The following TMEM272 variants were observed in gnomAD, a reference collection of about 807,000 sequenced individuals.
The protein encoded by TMEM272 is long intergenic non-protein coding RNA 282.
Under a neutral mutation model 3.7 loss-of-function variants are expected in TMEM272, and 8 were observed. The ratio of observed to expected loss-of-function variants is 2.17; its 90% CI spans 1.27 to 3.91. TMEM272 has a LOEUF of 3.91. Ranked by LOEUF, TMEM272 falls within the 30% of genes most tolerant of loss-of-function variation. TMEM272 has a pLI of 0.00. For synonymous variants in TMEM272, 63 were observed against 39.8 expected (o/e 1.58, Z -2.20); for missense variants, 166 against 91.5 (o/e 1.81, Z -3.32).
At chr13:51,917,592 C>A in the TMEM272 span, among the ~76,000 whole-genome samples, 1 of 152,154 alleles carries the variant, frequency 6.6e-6, no homozygotes, top group African/African-American at 2.4e-5. Context: ...GTGCTACCAG[C>A]GAGTCCTGTG....
chr13:51,827,474 C>G (rs1052758992), intron 2 of TMEM272, among the ~76,000 whole-genome samples: 1 of 152,208 alleles, frequency 6.6e-6, no homozygotes, highest in African/African-American at 2.4e-5. Flanking sequence ...TTCTCCAGAT[C>G]GGCAGATATA....
chr13:51,891,727 G>C, the TMEM272 span, among the ~76,000 whole-genome samples: 2 of 152,178 alleles, frequency 1.3e-5, no homozygotes, highest in East Asian at 3.9e-4. Flanking sequence ...GGAAATGGAA[G>C]GAAAAAGAGG....
At chr13:51,870,629 A>G in the TMEM272 span, among the ~76,000 whole-genome samples, 13 of 152,386 alleles carry the variant, frequency 8.5e-5, no homozygotes, top group African/African-American at 3.1e-4. Context: ...ACAATTTTGA[A>G]AGCAGAAAAG....
chr13:51,899,653 A>G, the TMEM272 span, among the ~76,000 whole-genome samples: 1 of 152,196 alleles, frequency 6.6e-6, no homozygotes, highest in Non-Finnish European at 1.5e-5. Context: ...AACTGACCCT[A>G]AAGTTAATAT....
the TMEM272 span, among the ~76,000 whole-genome samples, chr13:51,892,765 T>G: frequency 1.3e-5 from 2 of 152,238 alleles, no homozygotes; most frequent in African/African-American, 4.8e-5. Context: ...TCCTCCACAG[T>G]TCCAGCTCAC....
chr13:51,867,830 T>C, the TMEM272 span, among the ~76,000 whole-genome samples: 1 of 152,120 alleles, frequency 6.6e-6, no homozygotes, highest in African/African-American at 2.4e-5. Flanking sequence ...TCAAGAGGGC[T>C]GCCAGGGGCC....
the TMEM272 span, among the ~76,000 whole-genome samples, chr13:51,859,762 T>G: frequency 2.6e-5 from 4 of 152,136 alleles, no homozygotes; most frequent in Non-Finnish European, 4.4e-5. Context: ...GAAATCTCAT[T>G]TTTAGTTACT....
chr13:51,904,028 A>T, the TMEM272 span, among the ~76,000 whole-genome samples: 1 of 151,702 alleles, frequency 6.6e-6, no homozygotes, highest in Non-Finnish European at 1.5e-5. Context: ...CTTAACAAAA[A>T]TACATTCACA....
chr13:51,865,360 A>G, the TMEM272 span: 2 of 1,560,008 alleles, frequency 1.3e-6, no homozygotes, highest in Admixed American at 3.9e-5. Context: ...GGACCTGGCC[A>G]AGGGTCCTGT....
At chr13:51,930,986 ATTTG>A in the TMEM272 span, among the ~76,000 whole-genome samples, 1 of 152,188 alleles carries the variant, frequency 6.6e-6, no homozygotes, top group Non-Finnish European at 1.5e-5. Context: ...GAATTACTGC[ATTTG>A]TTTATTAAAA....
At chr13:51,878,499 T>TG in the TMEM272 span, among the ~76,000 whole-genome samples, 12 of 152,078 alleles carry the variant, frequency 7.9e-5, no homozygotes, top group African/African-American at 1.7e-4. Context: ...AAGAACAGCA[T>TG]GGGGGGGAAT....
the TMEM272 span, among the ~76,000 whole-genome samples, chr13:51,923,710 G>GGGGAGGGGAGGAGAGGAGAGGGGAA: frequency 1.5e-4 from 23 of 151,190 alleles, no homozygotes; most frequent in African/African-American, 5.1e-4. Flanking sequence ...AGAAACAAGA[G>GGGGAGGGGAGGAGAGGAGAGGGGAA]GGGAGGGGAG....
chr13:51,855,425 A>T, the TMEM272 span, among the ~76,000 whole-genome samples: 1 of 152,240 alleles, frequency 6.6e-6, no homozygotes, highest in African/African-American at 2.4e-5. Context: ...CAAGCCGTAT[A>T]AGAAAATAAG....
At chr13:51,894,626 G>A in the TMEM272 span, among the ~76,000 whole-genome samples, 2 of 152,152 alleles carry the variant, frequency 1.3e-5, no homozygotes, top group Non-Finnish European at 2.9e-5. Flanking sequence ...AAAGGACTGA[G>A]AAGTTTGCAA....
the TMEM272 span, among the ~76,000 whole-genome samples, chr13:51,919,298 A>C: frequency 6.6e-6 from 1 of 152,200 alleles, no homozygotes; most frequent in Non-Finnish European, 1.5e-5. Flanking sequence ...AAGAAGACAA[A>C]ATCCCTGACC....
At chr13:51,887,428 T>G in the TMEM272 span, among the ~76,000 whole-genome samples, 4 of 152,220 alleles carry the variant, frequency 2.6e-5, no homozygotes, top group African/African-American at 9.6e-5. Flanking sequence ...GTCTCTATTT[T>G]GTTTCTTTTA....
At chr13:51,890,030 C>A in the TMEM272 span, among the ~76,000 whole-genome samples, 1 of 152,056 alleles carries the variant, frequency 6.6e-6, no homozygotes, top group East Asian at 1.9e-4. Flanking sequence ...CTCCATGGGG[C>A]GCAGTCCAAG....
At chr13:51,914,386 C>T in the TMEM272 span, among the ~76,000 whole-genome samples, 1 of 152,356 alleles carries the variant, frequency 6.6e-6, no homozygotes, top group South Asian at 2.1e-4. Context: ...AAGTAGAGGT[C>T]AGCCAGGTAT....
At chr13:51,899,199 G>A in the TMEM272 span, among the ~76,000 whole-genome samples, 1 of 152,128 alleles carries the variant, frequency 6.6e-6, no homozygotes, top group Admixed American at 6.5e-5. Flanking sequence ...AAAATCGATT[G>A]TATTTCTATA....
Sources: gnomAD v4.1 joint callset for allele counts (sites outside exome capture counted in the v4.1 genomes callset) on GRCh38, gnomAD v4.1.1 for gene constraint, MANE v1.5 for transcripts, NCBI Gene and HGNC (gene_info 2026-07-23, HGNC 2026-07-21) for gene names.